The following ANKRD12 variants were observed in gnomAD, a reference collection of about 807,000 sequenced individuals.
ANKRD12 encodes ankyrin repeat domain-containing protein 12.
ANKRD12 carries 85 observed loss-of-function variants against 183.4 expected under a neutral mutation model. The ratio of observed to expected loss-of-function variants is 0.46; its 90% confidence interval spans 0.39 to 0.56. The LOEUF is 0.56. Ranked by LOEUF, ANKRD12 falls within the 20% of genes least tolerant of loss-of-function variation. The pLI, the probability that ANKRD12 is intolerant of heterozygous loss-of-function variation, is 0.00. For synonymous variants in ANKRD12, 914 were observed against 800.2 expected (o/e 1.14, Z -2.40); for missense variants, 2,405 against 2,357.1 (o/e 1.02, Z -0.42).
chr18:9,280,942 C>T lies in ANKRD12; in HGVS notation c.6005C>T (p.Thr2002Ile). Residue 2002 changes from threonine (T) to isoleucine (I), a missense_variant and splice_region_variant, in exon 13 of 13, where the codon ACC becomes ATC. By Grantham distance (89) the Thr-to-Ile change is moderately conservative. Around this residue, in one of 7 missense-constraint regions of ANKRD12, gnomAD observed 162 missense variants for 272.2 expected, o/e 0.60. Transcript: ENST00000262126. ...DVDDKFDKLK[T>I]CLLMRQQHEA... ...TAACTCTTCTCTTCTTTTAAATAGA[C>T]CTGTCTTTTAATGAGGCAACAACAT... The T allele has an allele frequency of 1.2e-6, 2 of 1,608,208 alleles. No individual in the cohort carries two copies. Among genetic ancestry groups the T allele is most frequent in the South Asian group, 1.1e-5 (1 of 89,406 alleles).
rs79025337 is a variant in ANKRD12 at position 9,240,147 on chromosome 18, G to A, written c.944-14064G>A. Among the ~76,000 whole-genome samples, 1,204 of 152,218 alleles carry A rather than the reference G, an allele frequency of 7.9e-3. 8 individuals are homozygous for A. Among genetic ancestry groups the A allele is most frequent in the Middle Eastern group, 0.051 (15 of 294 alleles). ...TGGTTTAGTAATAAACAATTTGCAG[G>A]TTTGCCTGTCTTTATGGACCACACT... On this transcript the variant is annotated intron_variant, in intron 8 of 12. Coordinates refer to ENST00000262126, the MANE Select transcript of ANKRD12 (RefSeq NM_015208.5).
chr18:9,221,697 C>T lies in ANKRD12; in HGVS notation c.796-155C>T, dbSNP rs562319151. 6.0e-4 allele frequency among the ~76,000 whole-genome samples: 91 copies of T among 152,128 alleles called. 1 individual carries two copies. Among genetic ancestry groups the T allele is most frequent in the African/African-American group, 2.2e-3 (91 of 41,506 alleles). Reference sequence around the variant, plus strand: ...TAGGGGAGTGTCAGTGAAAATGGATCTTGAAGAGAATAACGATTTAGAGTA... The same window carrying T: ...TAGGGGAGTGTCAGTGAAAATGGATTTTGAAGAGAATAACGATTTAGAGTA... On this transcript the variant is annotated intron_variant, in intron 7 of 12. Coordinates refer to ENST00000262126, the MANE Select transcript of ANKRD12 (RefSeq NM_015208.5).
At chr18:9,170,711 A>T (rs2032619936) in intron 1 of ANKRD12, among the ~76,000 whole-genome samples, 1 of 152,100 alleles carries the variant, frequency 6.6e-6, no homozygotes, top group Non-Finnish European at 1.5e-5. Context: ...AACTTTTCAA[A>T]GTCATTCTCC....
At chr18:9,222,912 A>G (rs187410824) in intron 8 of ANKRD12, among the ~76,000 whole-genome samples, 90 of 152,340 alleles carry the variant, frequency 5.9e-4, no homozygotes, top group African/African-American at 2.1e-3. Context: ...CTGCCAAATT[A>G]TAAACAAAAG....
At chr18:9,222,631 C>G (rs1033877684) in intron 8 of ANKRD12, among the ~76,000 whole-genome samples, 2 of 151,994 alleles carry the variant, frequency 1.3e-5, no homozygotes, top group Non-Finnish European at 2.9e-5. Flanking sequence ...CTCGTAAAAT[C>G]TTAAAGAATT....
At chr18:9,236,888 A>G (rs1009572006) in intron 8 of ANKRD12, among the ~76,000 whole-genome samples, 4 of 152,196 alleles carry the variant, frequency 2.6e-5, no homozygotes, top group African/African-American at 9.7e-5. Context: ...AAATACTGTC[A>G]GGTTGGCACT....
chr18:9,215,282 C>T (rs2036031483), intron 6 of ANKRD12, among the ~76,000 whole-genome samples: 1 of 152,136 alleles, frequency 6.6e-6, no homozygotes, highest in Non-Finnish European at 1.5e-5. Flanking sequence ...TATGTAAATA[C>T]AGTTGGGTTT....
chr18:9,176,786 A>G (rs1411891322), intron 1 of ANKRD12, among the ~76,000 whole-genome samples: 1 of 152,210 alleles, frequency 6.6e-6, no homozygotes, highest in African/African-American at 2.4e-5. Context: ...GTGTTAAACA[A>G]TATATTTTTA....
chr18:9,194,801 A>G (rs1567901969), intron 2 of ANKRD12, among the ~76,000 whole-genome samples: 1 of 152,234 alleles, frequency 6.6e-6, no homozygotes, highest in Non-Finnish European at 1.5e-5. Context: ...AATTGTTATT[A>G]GAAGTACCAT....
chr18:9,260,787 C>T (rs1157710536), intron 9 of ANKRD12, among the ~76,000 whole-genome samples: 2 of 152,314 alleles, frequency 1.3e-5, no homozygotes, highest in East Asian at 3.9e-4. Context: ...TTTTCCCTTT[C>T]TTCTGTATGT....
At position 9,210,442 on chromosome 18, in the gene ANKRD12, C is replaced by T. The variant is rs184797798; in HGVS notation, c.452-1142C>T. 3.5e-3 allele frequency among the ~76,000 whole-genome samples: 532 copies of T among 151,866 alleles called. 4 individuals carry two copies. Among genetic ancestry groups the T allele is most frequent in the Non-Finnish European group, 6.3e-3 (431 of 67,934 alleles). On this transcript the variant is annotated intron_variant, in intron 5 of 12. Transcript: ENST00000262126. Reference sequence around the variant, plus strand: ...TACTTTAAAATCCAAAAGGTAGGGCCGGGCATGGTAGCTCGAGCCTGTAAT... The same window carrying T: ...TACTTTAAAATCCAAAAGGTAGGGCTGGGCATGGTAGCTCGAGCCTGTAAT...
chr18:9,151,761 C>T (rs1039984244), intron 1 of ANKRD12, among the ~76,000 whole-genome samples: 2 of 152,168 alleles, frequency 1.3e-5, no homozygotes, highest in African/African-American at 4.8e-5. Context: ...AACTTGCATT[C>T]CTTGCTCAGA....
At chr18:9,259,078 G>T in intron 9 of ANKRD12, 147 bp downstream of exon 9, 1 of 989,024 alleles carries the variant, frequency 1.0e-6, no homozygotes, top group Non-Finnish European at 1.4e-6. Context: ...AGCTAGTAAC[G>T]TTCTTGTTTC....
At chr18:9,260,743 G>A (rs947438626) in intron 9 of ANKRD12, among the ~76,000 whole-genome samples, 1 of 152,174 alleles carries the variant, frequency 6.6e-6, no homozygotes, top group Non-Finnish European at 1.5e-5. Context: ...CAGAGGGAAA[G>A]TTTCCTCAGA....
chr18:9,172,850 T>TTATC (rs1440343565), intron 1 of ANKRD12, among the ~76,000 whole-genome samples: 2 of 152,168 alleles, frequency 1.3e-5, no homozygotes, highest in Non-Finnish European at 2.9e-5. Flanking sequence ...CTTTGTGGGC[T>TTATC]TATCTACCTT....
At chr18:9,275,444 GC>G in intron 10 of ANKRD12, 79 bp from the exon 11 acceptor site, 1 of 1,349,336 alleles carries the variant, frequency 7.4e-7, no homozygotes. Flanking sequence ...CTGCACTCCA[GC>G]CTAGGCGAGA....
intron 3 of ANKRD12, among the ~76,000 whole-genome samples, chr18:9,201,782 C>T (rs1324102822): frequency 6.7e-6 from 1 of 150,338 alleles, no homozygotes. Flanking sequence ...ATAATTGTTT[C>T]CTCTTAGCAT....
chr18:9,251,347 G>A (rs1218977448), intron 8 of ANKRD12, among the ~76,000 whole-genome samples: 1 of 152,146 alleles, frequency 6.6e-6, no homozygotes, highest in Non-Finnish European at 1.5e-5. Flanking sequence ...TTAAGCCTAA[G>A]GATAATAGAG....
At chr18:9,175,618 TG>T (rs1287843123) in intron 1 of ANKRD12, among the ~76,000 whole-genome samples, 2 of 144,204 alleles carry the variant, frequency 1.4e-5, no homozygotes, top group African/African-American at 5.1e-5. Flanking sequence ...AATTCTGCCT[TG>T]CTGGTTCAAG....
Sources: allele counts gnomAD v4.1 joint callset (sites outside exome capture counted in the v4.1 genomes callset), GRCh38; gene constraint gnomAD v4.1.1; regional missense constraint gnomAD v4.1.1; transcripts MANE v1.5; gene names NCBI Gene and HGNC (gene_info 2026-07-23, HGNC 2026-07-21).